Variants in NBAS observed in about 807,000 individuals in gnomAD.
The protein encoded by NBAS is NAG/BC035112 fusion.
NBAS carries 219 observed loss-of-function variants against 302.5 expected under a neutral mutation model. That is an observed-to-expected ratio of 0.72 (90% CI 0.65 to 0.81). NBAS has a LOEUF of 0.81. Among genes scored for constraint, NBAS ranks in the 30% least tolerant of loss-of-function variants. The pLI is 0.00. For synonymous variants in NBAS, 1,118 were observed against 1,021.6 expected (o/e 1.09, Z -1.80); for missense variants, 2,932 against 2,841.6 (o/e 1.03, Z -0.72).
chr2:15,428,472 G>C (rs1215578101), intron 21 of NBAS, among the ~76,000 whole-genome samples: 1 of 152,154 alleles, frequency 6.6e-6, no homozygotes. Context: ...GCTCACACCT[G>C]TAATTCCAAC....
chr2:14,936,334 G>C, the NBAS span, among the ~76,000 whole-genome samples: 1 of 152,286 alleles, frequency 6.6e-6, no homozygotes, highest in East Asian at 1.9e-4. Flanking sequence ...TTACCCTTTA[G>C]TTTTGGGAAA....
chr2:15,178,638 G>C (rs527396319), intron 51 of NBAS, among the ~76,000 whole-genome samples: 2 of 152,336 alleles, frequency 1.3e-5, no homozygotes, highest in South Asian at 4.1e-4. Flanking sequence ...AATGATGGGA[G>C]TTCCCTAGAC....
At chr2:15,259,167 TAG>T (rs1194686900) in intron 44 of NBAS, among the ~76,000 whole-genome samples, 1 of 152,208 alleles carries the variant, frequency 6.6e-6, no homozygotes, top group Non-Finnish European at 1.5e-5. Flanking sequence ...CTTGAAACCC[TAG>T]AGTCACAAGA....
chr2:14,933,131 G>A, the NBAS span, among the ~76,000 whole-genome samples: 1 of 152,194 alleles, frequency 6.6e-6, no homozygotes. Flanking sequence ...GCCCAAAAAG[G>A]TTAAGTTACT....
chr2:15,336,082 A>T (rs1006056077), intron 35 of NBAS, among the ~76,000 whole-genome samples: 12 of 149,088 alleles, frequency 8.0e-5, no homozygotes, highest in Non-Finnish European at 1.8e-4. Flanking sequence ...GATGACAGGG[A>T]TCCTCATTTC....
intron 44 of NBAS, among the ~76,000 whole-genome samples, chr2:15,262,308 G>A (rs1050528115): frequency 3.3e-5 from 5 of 152,200 alleles, no homozygotes; most frequent in Non-Finnish European, 7.3e-5. Flanking sequence ...AACTGGCTCC[G>A]TGATGAAGCC....
intron 9 of NBAS, 127 bp downstream of exon 9, chr2:15,534,416 T>C: frequency 1.3e-6 from 1 of 768,194 alleles, no homozygotes; most frequent in Non-Finnish European, 2.3e-6. Flanking sequence ...ATTATAGATA[T>C]TAAAGATAAC....
chr2:14,794,447 A>G, the NBAS span, among the ~76,000 whole-genome samples: 8 of 152,330 alleles, frequency 5.3e-5, no homozygotes, highest in African/African-American at 1.9e-4. Context: ...AAAAACTTTT[A>G]GCATTTTATA....
intron 50 of NBAS, among the ~76,000 whole-genome samples, chr2:15,183,588 C>T (rs759547822): frequency 1.3e-5 from 2 of 152,202 alleles, no homozygotes; most frequent in Non-Finnish European, 2.9e-5. Context: ...ATTTTCTCAT[C>T]CAGCTTAACC....
At chr2:15,319,926 G>A (rs1558531309) in intron 38 of NBAS, among the ~76,000 whole-genome samples, 1 of 151,900 alleles carries the variant, frequency 6.6e-6, no homozygotes, top group Non-Finnish European at 1.5e-5. Flanking sequence ...CCAAAGCCTG[G>A]CAGAGACACA....
intron 12 of NBAS, among the ~76,000 whole-genome samples, chr2:15,487,019 A>G (rs1010337948): frequency 6.6e-6 from 1 of 152,334 alleles, no homozygotes; most frequent in African/African-American, 2.4e-5. Context: ...GTACTAGGAT[A>G]CACAGAATAT....
chr2:14,797,078 G>C, the NBAS span, among the ~76,000 whole-genome samples: 1 of 137,884 alleles, frequency 7.3e-6, no homozygotes, highest in South Asian at 2.4e-4. Flanking sequence ...CCTGGGCACA[G>C]AGCGAGACTC....
the NBAS span, among the ~76,000 whole-genome samples, chr2:14,989,293 A>ATGTGTGTGTGTGTGTGTGTGTG: frequency 1.1e-3 from 161 of 148,116 alleles, 1 homozygote; most frequent in Admixed American, 1.5e-3. Context: ...ATGTATGTGT[A>ATGTGTGTGTGTGTGTGTGTGTG]TGTGTGTGTG....
intron 25 of NBAS, among the ~76,000 whole-genome samples, chr2:15,413,958 T>G (rs1351712065): frequency 6.6e-6 from 1 of 152,196 alleles, no homozygotes; most frequent in African/African-American, 2.4e-5. Flanking sequence ...GCTGACTATA[T>G]ACAAAGGATT....
intron 27 of NBAS, among the ~76,000 whole-genome samples, chr2:15,396,184 G>C (rs1675855190): frequency 6.6e-6 from 1 of 152,070 alleles, no homozygotes; most frequent in Non-Finnish European, 1.5e-5. Flanking sequence ...CTAGTAAGTG[G>C]CAAGGCCTAA....
the NBAS span, among the ~76,000 whole-genome samples, chr2:14,969,327 C>A: frequency 4.6e-5 from 7 of 152,020 alleles, no homozygotes; most frequent in Admixed American, 4.6e-4. Flanking sequence ...TGATCACATA[C>A]CTTACCTAGG....
intron 33 of NBAS, 57 bp downstream of exon 33, chr2:15,356,246 C>T (rs1366953590): frequency 1.4e-6 from 2 of 1,397,494 alleles, no homozygotes; most frequent in Admixed American, 1.7e-5. Context: ...AGACCTTTTC[C>T]ATTATCCATC....
chr2:15,268,717 GA>G (rs1669186897), intron 44 of NBAS, among the ~76,000 whole-genome samples: 1 of 152,082 alleles, frequency 6.6e-6, no homozygotes, highest in African/African-American at 2.4e-5. Context: ...AGTATAGGAG[GA>G]CAAAAATAGC....
At chr2:15,063,729 A>G in the NBAS span, among the ~76,000 whole-genome samples, 2 of 152,322 alleles carry the variant, frequency 1.3e-5, no homozygotes, top group East Asian at 3.9e-4. Context: ...AGAACAGGCC[A>G]TGTGAGGACT....
Sources: gnomAD v4.1 joint callset for allele counts (sites outside exome capture counted in the v4.1 genomes callset) on GRCh38, gnomAD v4.1.1 for gene constraint, MANE v1.5 for transcripts, NCBI Gene and HGNC (gene_info 2026-07-23, HGNC 2026-07-21) for gene names.